Variants in AHCY observed in about 807,000 individuals in gnomAD.
The protein encoded by AHCY is S-adenosyl-L-homocysteine hydrolase.
AHCY carries 24 observed loss-of-function variants against 45.4 expected under a neutral mutation model. That is an observed-to-expected ratio of 0.53 (90% confidence interval 0.38 to 0.74). The LOEUF is 0.74. Ranked by LOEUF, AHCY falls within the 30% of genes least tolerant of loss-of-function variation. The pLI, the probability that AHCY is intolerant of heterozygous loss-of-function variation, is 0.00. For missense variants in AHCY, 449 were observed against 594.1 expected (o/e 0.76, Z 2.54); for synonymous variants, 245 against 235.1 (o/e 1.04, Z -0.39).
intron 5 of AHCY, 145 bp from the exon 6 acceptor site, chr20:34,291,083 G>T: frequency 1.4e-6 from 1 of 731,400 alleles, no homozygotes; most frequent in Non-Finnish European, 2.3e-6. Flanking sequence ...AGCACCCAAT[G>T]CCCCCACAAG....
At chr20:34,250,600 C>T in the AHCY span, among the ~76,000 whole-genome samples, 2 of 152,126 alleles carry the variant, frequency 1.3e-5, no homozygotes, top group Admixed American at 1.3e-4. Context: ...GAGTTTGAGA[C>T]CAGCCTGGTC....
chr20:34,305,746 A>G (rs1179808380), upstream of AHCY, among the ~76,000 whole-genome samples: 1 of 152,182 alleles, frequency 6.6e-6, no homozygotes, highest in Non-Finnish European at 1.5e-5. Context: ...GTTGTAAGGA[A>G]TGTAATAAAA....
At chr20:34,301,865 A>G (rs1445532967) in intron 1 of AHCY, 1 of 985,358 alleles carries the variant, frequency 1.0e-6, no homozygotes, top group Non-Finnish European at 1.2e-6. Flanking sequence ...CAAGGGCCTC[A>G]GTTTCATGCT....
the AHCY span, chr20:34,269,190 G>A: frequency 6.8e-7 from 1 of 1,478,736 alleles, no homozygotes; most frequent in Non-Finnish European, 9.0e-7. Context: ...CCGGCCGCGA[G>A]CAGGCAGGGC....
At chr20:34,248,203 TA>T in the AHCY span, among the ~76,000 whole-genome samples, 217 of 142,186 alleles carry the variant, frequency 1.5e-3, no homozygotes, top group Middle Eastern at 3.5e-3. Context: ...AGACTCCATC[TA>T]AAAAAAAAAA....
chr20:34,262,934 G>C, the AHCY span: 1 of 1,608,820 alleles, frequency 6.2e-7, no homozygotes, highest in South Asian at 1.1e-5. Context: ...TTGTTGGGGT[G>C]AGACTGGACT....
At chr20:34,243,811 T>A in the AHCY span, among the ~76,000 whole-genome samples, 1 of 149,800 alleles carries the variant, frequency 6.7e-6, no homozygotes, top group African/African-American at 2.5e-5. Context: ...ACGCCTGTAA[T>A]CCCAGCACTT....
At chr20:34,284,323 C>T (rs1244132994) in intron 9 of AHCY, among the ~76,000 whole-genome samples, 2 of 152,122 alleles carry the variant, frequency 1.3e-5, no homozygotes, top group Non-Finnish European at 2.9e-5. Flanking sequence ...CCATGCCCAG[C>T]TCATTTTTTT....
At position 34,291,837 on chromosome 20, in the gene AHCY, T is replaced by C. The variant is rs186688586; in HGVS notation, c.446-306A>G. On this transcript the variant is annotated intron_variant, in intron 4 of 9. Transcript: ENST00000217426. ...TCTCCCTACCACAACCCATCCTCCA[T>C]GCAGCAGCCATTTCTAACATGTATC... 2.9e-3 allele frequency among the ~76,000 whole-genome samples: 437 copies of C among 152,020 alleles called. 1 individual carries two copies. The highest frequency in any genetic ancestry group is 9.6e-3 in the African/African-American group (397 of 41,518).
At chr20:34,245,182 A>G in the AHCY span, among the ~76,000 whole-genome samples, 2 of 151,466 alleles carry the variant, frequency 1.3e-5, no homozygotes, top group Non-Finnish European at 2.9e-5. Flanking sequence ...AAAAATACAA[A>G]AATTAGCTGG....
the AHCY span, among the ~76,000 whole-genome samples, chr20:34,237,900 A>G: frequency 5.3e-5 from 8 of 152,224 alleles, no homozygotes; most frequent in Middle Eastern, 6.8e-3. Flanking sequence ...TCCTGCATCA[A>G]TTGAGATAAT....
downstream of AHCY, among the ~76,000 whole-genome samples, chr20:34,279,671 T>C (rs1037776656): frequency 2.6e-5 from 4 of 152,154 alleles, no homozygotes; most frequent in Admixed American, 6.5e-5. Flanking sequence ...TAAGAATTAA[T>C]TGTCAGGCAG....
the AHCY span, among the ~76,000 whole-genome samples, chr20:34,267,409 C>T: frequency 3.3e-5 from 4 of 121,796 alleles, no homozygotes; most frequent in Non-Finnish European, 6.3e-5. Context: ...CGGTGGCTCA[C>T]ATCTGTAATC....
chr20:34,302,022 A>G (rs1161405139), intron 1 of AHCY: 45 of 926,740 alleles, frequency 4.9e-5, no homozygotes, highest in Non-Finnish European at 5.6e-5. Flanking sequence ...TTTTTTTGAG[A>G]CAGGGTCTTG....
chr20:34,270,034 A>G, the AHCY span, among the ~76,000 whole-genome samples: 2 of 151,048 alleles, frequency 1.3e-5, no homozygotes, highest in Admixed American at 6.6e-5. Context: ...CAGAAGTTCA[A>G]GACCAGCCTG....
the AHCY span, among the ~76,000 whole-genome samples, chr20:34,232,068 G>T: frequency 6.6e-6 from 1 of 152,180 alleles, no homozygotes; most frequent in Non-Finnish European, 1.5e-5. Context: ...GAGTCCAACA[G>T]GGACAACACA....
At chr20:34,308,960 T>A (rs2036921798) in intron 1 of AHCY, among the ~76,000 whole-genome samples, 2 of 131,486 alleles carry the variant, frequency 1.5e-5, no homozygotes, top group East Asian at 2.3e-4. Context: ...GGCCAATTTT[T>A]TTTTTTTTTT....
At chr20:34,272,597 G>A in the AHCY span, among the ~76,000 whole-genome samples, 1 of 152,220 alleles carries the variant, frequency 6.6e-6, no homozygotes, top group South Asian at 2.1e-4. Flanking sequence ...CAGAACACAG[G>A]GAAGCAAGGC....
intron 1 of AHCY, among the ~76,000 whole-genome samples, chr20:34,311,157 A>G (rs1350877601): frequency 6.6e-6 from 1 of 152,152 alleles, no homozygotes; most frequent in Non-Finnish European, 1.5e-5. Flanking sequence ...AAAACCAACA[A>G]CAAAACATAT....
Sources: allele counts gnomAD v4.1 joint callset (sites outside exome capture counted in the v4.1 genomes callset), GRCh38; gene constraint gnomAD v4.1.1; transcripts MANE v1.5; gene names NCBI Gene and HGNC (gene_info 2026-07-23, HGNC 2026-07-21).